CAMTA1: variants seen among roughly 807,000 people sequenced by gnomAD.
CAMTA1 encodes calmodulin-binding transcription activator 1.
Under a neutral mutation model 170.9 loss-of-function variants are expected in CAMTA1, and 27 were observed. That is an observed-to-expected ratio of 0.16 (90% CI 0.12 to 0.22). The LOEUF is 0.22. Ranked by LOEUF, CAMTA1 falls within the 10% of genes least tolerant of loss-of-function variation. CAMTA1 has a pLI of 1.00. For missense variants in CAMTA1, 1,619 were observed against 2,217.2 expected, an observed-to-expected ratio of 0.73 and a Z score of 5.42; for synonymous variants, 833 against 891.5, an observed-to-expected ratio of 0.93 and a Z score of 1.17.
intron 5 of CAMTA1, among the ~76,000 whole-genome samples, chr1:7,257,853 G>T (rs552655081): frequency 6.6e-6 from 1 of 152,202 alleles, no homozygotes; most frequent in African/African-American, 2.4e-5. Context: ...GCAGACAGAG[G>T]TTTGTCTGTT....
At chr1:6,926,302 C>G (rs565425426) in intron 3 of CAMTA1, among the ~76,000 whole-genome samples, 2 of 151,618 alleles carry the variant, frequency 1.3e-5, no homozygotes, top group African/African-American at 2.4e-5. Flanking sequence ...CCTTTCCTCT[C>G]CTCTCCTCTC....
At position 7,574,404 on chromosome 1, in the gene CAMTA1, G is replaced by A. The variant is rs1385905108; in HGVS notation, c.511-65996G>A. 1.3e-5 allele frequency among the ~76,000 whole-genome samples: 2 copies of A among 152,352 alleles called. 1 individual carries two copies. Among genetic ancestry groups the A allele is most frequent in the Admixed American group, 1.3e-4 (2 of 15,312 alleles). ...GGAGCCCTGGCAAGTGAGCTGTGGT[G>A]TTGGGGAACACGTGGCACCTCGTTT... On this transcript the variant is annotated intron_variant, in intron 6 of 22. Coordinates refer to ENST00000303635, the MANE Select transcript of CAMTA1 (RefSeq NM_015215.4).
intron 6 of CAMTA1, among the ~76,000 whole-genome samples, chr1:7,472,940 T>C (rs1557771779): frequency 6.6e-6 from 1 of 152,116 alleles, no homozygotes; most frequent in Non-Finnish European, 1.5e-5. Context: ...AGGAGCGAAG[T>C]TGCCTTTACC....
intron 5 of CAMTA1, among the ~76,000 whole-genome samples, chr1:7,304,690 A>G (rs1390603771): frequency 6.7e-6 from 1 of 149,858 alleles, no homozygotes; most frequent in Admixed American, 6.6e-5. Flanking sequence ...CTTCTTTTCT[A>G]TTCAGAAATT....
rs867995360 is a variant in CAMTA1 at position 7,619,732 on chromosome 1, C to G, written c.511-20668C>G. Among the ~76,000 whole-genome samples the G allele has an allele frequency of 2.0e-5, 3 of 152,012 alleles. No homozygotes were observed. The South Asian group carries it at 6.2e-4, about 32-fold the overall frequency. On this transcript the variant is annotated intron_variant, in intron 6 of 22. Transcript: ENST00000303635. ...TGGCATGATCTCAGCTCACTGCAAC[C>G]TCCGCCTCCTGGGTTCAAGCGATTC...
chr1:7,330,297 T>C (rs559884206), intron 5 of CAMTA1, among the ~76,000 whole-genome samples: 2 of 152,208 alleles, frequency 1.3e-5, no homozygotes, highest in South Asian at 4.1e-4. Flanking sequence ...AGCACAGGCT[T>C]GTAATAGTCG....
Position 7,577,144 on chromosome 1 carries a change from TC to T in CAMTA1, c.511-63251del. Among the ~76,000 whole-genome samples the T allele has an allele frequency of 2.0e-5, 3 of 152,198 alleles. No homozygotes were observed. The Middle Eastern group carries it at 0.01, about 518-fold the overall frequency. ...AGGGATCAACAAGCCAGCATCGTCC[TC>T]CCCCGGAGGCCCAGTGTGCTTGGCT... On this transcript the variant is annotated intron_variant, in intron 6 of 22. Coordinates refer to ENST00000303635, the MANE Select transcript of CAMTA1 (RefSeq NM_015215.4).
intron 1 of CAMTA1, among the ~76,000 whole-genome samples, chr1:6,804,614 T>C (rs2148257240): frequency 6.6e-6 from 1 of 152,328 alleles, no homozygotes; most frequent in Middle Eastern, 3.4e-3. Context: ...TGTTTGTCCT[T>C]TTGTGACTTG....
intron 1 of CAMTA1, among the ~76,000 whole-genome samples, chr1:6,810,316 C>T (rs1228023651): frequency 1.3e-5 from 2 of 152,184 alleles, no homozygotes; most frequent in African/African-American, 4.8e-5. Context: ...CAGCTTTTCG[C>T]CAGCTGTTGG....
chr1:6,924,948 G>A (rs542352194), intron 3 of CAMTA1, among the ~76,000 whole-genome samples: 2 of 152,204 alleles, frequency 1.3e-5, no homozygotes, highest in Non-Finnish European at 2.9e-5. Context: ...AGCTTTCTTG[G>A]ATATGGTTGG....
chr1:7,453,417 C>G (rs1431284652), intron 5 of CAMTA1, among the ~76,000 whole-genome samples: 6 of 152,208 alleles, frequency 3.9e-5, no homozygotes. Flanking sequence ...TCCTGGACCC[C>G]AAATCTAGGA....
Position 7,014,727 on chromosome 1 carries a change from G to A in CAMTA1, c.235-76577G>A, listed in dbSNP as rs1047769042. Among the ~76,000 whole-genome samples the A allele has an allele frequency of 6.6e-6, 1 of 152,170 alleles. No homozygotes were observed. Among genetic ancestry groups the A allele is most frequent in the African/African-American group, 2.4e-5 (1 of 41,434 alleles). On this transcript the variant is annotated intron_variant, in intron 3 of 22. Coordinates refer to ENST00000303635, the MANE Select transcript of CAMTA1 (RefSeq NM_015215.4). The surrounding 1 kb of genome is among the most constrained non-coding windows in gnomAD (Gnocchi z 4.2). ...CATGACCAGGCTCCTCGTAAGAGGT[G>A]GGACTCAGCCGAGGGGGCCAGTCTA...
intron 6 of CAMTA1, among the ~76,000 whole-genome samples, chr1:7,517,455 C>T (rs2094302604): frequency 6.6e-6 from 1 of 152,112 alleles, no homozygotes; most frequent in Non-Finnish European, 1.5e-5. Flanking sequence ...GATTGCAGGA[C>T]CTGGCACAGA....
chr1:6,860,047 T>C (rs557497345), intron 3 of CAMTA1, among the ~76,000 whole-genome samples: 1 of 152,342 alleles, frequency 6.6e-6, no homozygotes, highest in East Asian at 1.9e-4. Flanking sequence ...TTCAGTCTTT[T>C]TTTCTAGTAG....
chr1:7,444,928 G>C (rs556835416), intron 5 of CAMTA1, among the ~76,000 whole-genome samples: 1 of 152,252 alleles, frequency 6.6e-6, no homozygotes, highest in East Asian at 1.9e-4. Context: ...AGTGTGACAT[G>C]TTCCTGCTTC....
chr1:7,729,058 A>G (rs181682904), intron 11 of CAMTA1, among the ~76,000 whole-genome samples: 26 of 151,748 alleles, frequency 1.7e-4, no homozygotes, highest in Admixed American at 1.2e-3. Flanking sequence ...AAGAGGAAGT[A>G]TCTTTCTTGC....
chr1:7,535,987 C>A (rs2094544598), intron 6 of CAMTA1, among the ~76,000 whole-genome samples: 1 of 152,326 alleles, frequency 6.6e-6, no homozygotes, highest in South Asian at 2.1e-4. Context: ...TGCAAGGTTG[C>A]CAAGTTTAGG....
chr1:7,632,715 T>C (rs1390996095), intron 6 of CAMTA1, among the ~76,000 whole-genome samples: 1 of 152,202 alleles, frequency 6.6e-6, no homozygotes, highest in Non-Finnish European at 1.5e-5. Flanking sequence ...TGGCCCAGGA[T>C]CCACCCCTGG....
At chr1:7,533,882 C>A (rs1272883982) in intron 6 of CAMTA1, among the ~76,000 whole-genome samples, 1 of 151,966 alleles carries the variant, frequency 6.6e-6, no homozygotes, top group Non-Finnish European at 1.5e-5. Flanking sequence ...CCACTGCACT[C>A]TAGCCTGGAT....
Sources: gnomAD v4.1 joint callset for allele counts (sites outside exome capture counted in the v4.1 genomes callset) on GRCh38, gnomAD v4.1.1 for gene constraint, Gnocchi (gnomAD v3.1) non-coding constraint, MANE v1.5 for transcripts, NCBI Gene and HGNC (gene_info 2026-07-23, HGNC 2026-07-21) for gene names.